DIAPH2: variants seen among roughly 807,000 people sequenced by gnomAD.
DIAPH2 encodes the protein diaphanous related formin 2.
In DIAPH2, 35 loss-of-function variants were observed where a neutral mutation model predicts 92.7. That is an observed-to-expected ratio of 0.38 (90% CI 0.29 to 0.50). DIAPH2 has a LOEUF of 0.50. DIAPH2 is among the 20% of genes least tolerant of loss of function. The pLI is 0.94. For synonymous variants in DIAPH2, 301 were observed against 280.4 expected (o/e 1.07, Z -0.73); for missense variants, 701 against 819.5 (o/e 0.86, Z 1.77).
intron 26 of DIAPH2, among the ~76,000 whole-genome samples, chrX:97,465,010 G>A (rs1415020313): frequency 2.7e-5 from 3 of 110,681 alleles, no homozygotes; most frequent in African/African-American, 6.6e-5. Flanking sequence ...ACCACGCCTG[G>A]CTAATTTTGT....
At chrX:96,881,831 T>A in intron 5 of DIAPH2, 113 bp downstream of exon 5, 2 of 819,851 alleles carry the variant, frequency 2.4e-6, no homozygotes, top group Non-Finnish European at 3.4e-6. Context: ...ACTAAAAATC[T>A]GATGTTAATA....
At chrX:96,925,981 C>T (rs2065578690) in intron 9 of DIAPH2, among the ~76,000 whole-genome samples, 1 of 111,607 alleles carries the variant, frequency 9.0e-6, no homozygotes, top group South Asian at 3.7e-4. Context: ...GTTCCTAACT[C>T]CTGCTGGGCT....
intron 26 of DIAPH2, among the ~76,000 whole-genome samples, chrX:97,465,275 A>C (rs1357039562): frequency 9.3e-6 from 1 of 107,158 alleles, no homozygotes; most frequent in East Asian, 2.9e-4. Flanking sequence ...GAATTCACCC[A>C]CACACACACA....
intron 22 of DIAPH2, among the ~76,000 whole-genome samples, chrX:97,199,235 G>A (rs1052145280): frequency 1.8e-5 from 2 of 110,714 alleles, no homozygotes; most frequent in Non-Finnish European, 3.8e-5. Context: ...ATATGTGTGT[G>A]TGTGTGTGTA....
intron 23 of DIAPH2, among the ~76,000 whole-genome samples, chrX:97,291,016 C>T (rs915052180): frequency 2.7e-5 from 3 of 109,624 alleles, no homozygotes; most frequent in Non-Finnish European, 5.7e-5. Context: ...CCCTTGAACC[C>T]GGCAGGCAGA....
At chrX:97,282,053 A>AGGGTATGAAATTTATTTACTAAGT (rs1274045591) in intron 23 of DIAPH2, among the ~76,000 whole-genome samples, 3 of 110,955 alleles carry the variant, frequency 2.7e-5, no homozygotes, top group African/African-American at 9.8e-5. Context: ...AGCATTGATG[A>AGGGTATGAAATTTATTTACTAAGT]GGGTATGAAA....
At chrX:97,435,777 A>C (rs6620277) in intron 26 of DIAPH2, among the ~76,000 whole-genome samples, 42,137 of 107,306 alleles carry the variant, frequency 0.39, 6,127 homozygotes, top group East Asian at 0.58. Flanking sequence ...ACCTTGCAGG[A>C]GTGAAAATGA....
At chrX:96,836,717 A>ATAT (rs2064894108) in intron 4 of DIAPH2, among the ~76,000 whole-genome samples, 32 of 18,899 alleles carry the variant, frequency 1.7e-3, no homozygotes, top group Non-Finnish European at 2.4e-3. Context: ...ATATATATAT[A>ATAT]TTTTTTTTTT....
rs150967053 is a variant in DIAPH2, at chrX:96,948,444, G to A, written c.1510-491G>A. ...AAAAATTAGCCAGGTGTGGTGGTGC[G>A]CACCTGTAATCCTAGCTACTTGAGA... is the stretch of plus-strand genomic sequence containing the variant. On this transcript the variant is annotated intron_variant, in intron 14 of 26. Transcript: ENST00000324765. Among the ~76,000 whole-genome samples, 765 of 110,791 alleles carry A rather than the reference G, an allele frequency of 6.9e-3. 3 individuals carry two copies. The highest frequency in any genetic ancestry group is 0.011 in the Non-Finnish European group (586 of 52,869).
chrX:97,105,758 T>C (rs1432515125), intron 20 of DIAPH2, among the ~76,000 whole-genome samples: 2 of 112,250 alleles, frequency 1.8e-5, no homozygotes, highest in Non-Finnish European at 3.8e-5. Flanking sequence ...TACTTTGTTT[T>C]TCTGACTTCA....
chrX:96,815,362 T>C (rs1270542466), intron 4 of DIAPH2, among the ~76,000 whole-genome samples: 2 of 111,591 alleles, frequency 1.8e-5, no homozygotes, highest in Non-Finnish European at 1.9e-5. Flanking sequence ...TCTCGTGTGC[T>C]GTTTGCTAAG....
At chrX:97,085,063 G>T (rs1254125123) in intron 19 of DIAPH2, among the ~76,000 whole-genome samples, 1 of 111,189 alleles carries the variant, frequency 9.0e-6, no homozygotes, top group Non-Finnish European at 1.9e-5. Flanking sequence ...TAAGGCAAGT[G>T]ATCTGAAAAT....
At chrX:97,155,068 TA>T (rs1427915882) in intron 22 of DIAPH2, among the ~76,000 whole-genome samples, 1 of 112,113 alleles carries the variant, frequency 8.9e-6, no homozygotes, top group Non-Finnish European at 1.9e-5. Context: ...ATCAATTTGG[TA>T]AAGGTTAAAA....
chrX:97,059,123 C>G (rs2066578855), intron 17 of DIAPH2, among the ~76,000 whole-genome samples: 1 of 111,682 alleles, frequency 9.0e-6, no homozygotes, highest in Admixed American at 9.5e-5. Context: ...ATCTTAGCTA[C>G]TCTTGTCCTA....
chrX:96,945,640 A>T, intron 14 of DIAPH2, 49 bp downstream of exon 14: 1 of 859,288 alleles, frequency 1.2e-6, no homozygotes, highest in Non-Finnish European at 1.6e-6. Flanking sequence ...TAATTTAATC[A>T]CAGTAATACT....
chrX:97,254,895 G>A (rs1196990072), intron 23 of DIAPH2, among the ~76,000 whole-genome samples: 3 of 109,366 alleles, frequency 2.7e-5, no homozygotes, highest in African/African-American at 6.7e-5. Context: ...TAGTAGAGAC[G>A]GGGTTTCACC....
chrX:96,960,299 T>G (rs929894973), intron 16 of DIAPH2, among the ~76,000 whole-genome samples: 1 of 111,573 alleles, frequency 9.0e-6, no homozygotes, highest in African/African-American at 3.2e-5. Context: ...TGTTTTGTAG[T>G]TTTTCTTATA....
rs953846937 is a variant in DIAPH2 at position 96,960,480 on chromosome X, T to A, written c.1935+2332T>A. Reference sequence around the variant, plus strand: ...TGTATCCTCCAACTTACTGAATTTATTAATTATATGAGTTTTTTGTGGGGT... The same window carrying A: ...TGTATCCTCCAACTTACTGAATTTAATAATTATATGAGTTTTTTGTGGGGT... On this transcript the variant is annotated intron_variant, in intron 16 of 26. Transcript: ENST00000324765. Among the ~76,000 whole-genome samples, 4 of 111,624 alleles carry A rather than the reference T, an allele frequency of 3.6e-5. No individual in the cohort carries two copies. The Admixed American group carries it at 3.8e-4, about 11-fold the overall frequency.
At chrX:97,213,993 G>T (rs1221727303) in intron 22 of DIAPH2, among the ~76,000 whole-genome samples, 3 of 111,859 alleles carry the variant, frequency 2.7e-5, no homozygotes, top group Non-Finnish European at 5.6e-5. Context: ...CTTGATCTTT[G>T]AGGATGAGTA....
Sources: allele counts gnomAD v4.1 joint callset (sites outside exome capture counted in the v4.1 genomes callset), GRCh38; gene constraint gnomAD v4.1.1; transcripts MANE v1.5; gene names NCBI Gene and HGNC (gene_info 2026-07-23, HGNC 2026-07-21).